Variants in FHOD3 observed in about 807,000 individuals in gnomAD.
The protein encoded by FHOD3 is FH1/FH2 domain-containing protein 3.
A neutral mutation model predicts 173.0 loss-of-function variants in FHOD3; 90 were observed. The ratio of observed to expected loss-of-function variants is 0.52; its 90% CI spans 0.44 to 0.62. The LOEUF is 0.62. Ranked by LOEUF, FHOD3 falls within the 20% of genes least tolerant of loss-of-function variation. FHOD3 has a pLI of 0.00. For synonymous variants in FHOD3, 828 were observed against 823.0 expected (o/e 1.01, Z -0.10); for missense variants, 1,945 against 2,034.7 (o/e 0.96, Z 0.85).
intron 4 of FHOD3, among the ~76,000 whole-genome samples, chr18:36,511,776 G>A (rs967933686): frequency 2.6e-5 from 4 of 152,214 alleles, no homozygotes; most frequent in African/African-American, 9.6e-5. Context: ...CACCGGATGA[G>A]ATGACCCCTG....
intron 18 of FHOD3, among the ~76,000 whole-genome samples, chr18:36,711,898 A>C (rs560385627): frequency 2.0e-5 from 3 of 152,316 alleles, no homozygotes; most frequent in Admixed American, 6.5e-5. Flanking sequence ...ACCCAGAGTC[A>C]ATGGAGACTG....
intron 3 of FHOD3, among the ~76,000 whole-genome samples, chr18:36,422,581 T>C (rs2147102740): frequency 6.6e-6 from 1 of 152,336 alleles, no homozygotes; most frequent in South Asian, 2.1e-4. Context: ...ATAGGGCTTG[T>C]TCTAATTCCC....
chr18:36,612,074 G>A lies in FHOD3; in HGVS notation c.936G>A (p.Val312=), dbSNP rs776282960. 1.2e-6 allele frequency: 2 copies of A among 1,613,918 alleles called. No homozygotes were observed. Among genetic ancestry groups the A allele is most frequent in the Non-Finnish European group, 1.7e-6 (2 of 1,179,938 alleles). The part of the protein sequence containing the change: ...LNKKGTDLDL[V]EQLNIYEVAL... ...AGAAAGGGACTGACCTGGACTTAGT[G>A]GAGCAACTCAACATTTATGAGGTAC... Residue 312 remains valine (V), a synonymous_variant, in exon 9 of 29, where the codon GTG becomes GTA. Transcript: ENST00000590592.
At chr18:36,489,289 A>AG (rs2054344299) in intron 3 of FHOD3, among the ~76,000 whole-genome samples, 2 of 152,094 alleles carry the variant, frequency 1.3e-5, no homozygotes, top group African/African-American at 4.8e-5. Context: ...CCCTGCCAGT[A>AG]GGGGGGTGAG....
intron 3 of FHOD3, among the ~76,000 whole-genome samples, chr18:36,428,714 C>G (rs547436452): frequency 1.1e-4 from 17 of 152,310 alleles, no homozygotes; most frequent in African/African-American, 3.8e-4. Context: ...ATTTATTGCT[C>G]TTTGAACATG....
At chr18:36,732,408 A>G (rs767212067) in intron 20 of FHOD3, among the ~76,000 whole-genome samples, 5 of 152,200 alleles carry the variant, frequency 3.3e-5, no homozygotes, top group Non-Finnish European at 5.9e-5. Flanking sequence ...CTGTTCCAGG[A>G]ACAGGTACAA....
At chr18:36,334,874 G>A (rs1289885128) in intron 1 of FHOD3, among the ~76,000 whole-genome samples, 3 of 152,180 alleles carry the variant, frequency 2.0e-5, no homozygotes, top group African/African-American at 4.8e-5. Context: ...CTGGCCCAAA[G>A]ATAGGGGACT....
intron 14 of FHOD3, among the ~76,000 whole-genome samples, chr18:36,660,669 G>A (rs1443094543): frequency 6.6e-6 from 1 of 152,196 alleles, no homozygotes; most frequent in African/African-American, 2.4e-5. Context: ...AAGCAAATTG[G>A]GTGGAGACTT....
intron 5 of FHOD3, among the ~76,000 whole-genome samples, chr18:36,554,628 T>TATA (rs950320083): frequency 5.3e-5 from 8 of 152,146 alleles, no homozygotes; most frequent in Admixed American, 6.5e-5. Flanking sequence ...GAACTTGAAG[T>TATA]ATAATAATAA....
intron 1 of FHOD3, among the ~76,000 whole-genome samples, chr18:36,353,128 T>G (rs1738252628): frequency 6.6e-6 from 1 of 152,208 alleles, no homozygotes; most frequent in Non-Finnish European, 1.5e-5. Context: ...TTGGCCAGTT[T>G]GTAGTAAATG....
intron 3 of FHOD3, among the ~76,000 whole-genome samples, chr18:36,403,672 G>A (rs1031372187): frequency 6.6e-6 from 1 of 152,184 alleles, no homozygotes; most frequent in Non-Finnish European, 1.5e-5. Context: ...AATAATTACG[G>A]ATTCCATTAG....
chr18:36,637,075 A>G (rs2034945799), intron 10 of FHOD3, among the ~76,000 whole-genome samples: 1 of 152,166 alleles, frequency 6.6e-6, no homozygotes, highest in East Asian at 1.9e-4. Context: ...GCTCATGTCT[A>G]TAAGTAAATG....
intron 1 of FHOD3, among the ~76,000 whole-genome samples, chr18:36,302,579 T>G (rs895996680): frequency 6.6e-6 from 1 of 152,236 alleles, no homozygotes; most frequent in Admixed American, 6.5e-5. Flanking sequence ...GCTGTTCAGT[T>G]CTCTGGTGTT....
chr18:36,622,181 A>AG (rs2033765548), intron 9 of FHOD3, among the ~76,000 whole-genome samples: 2 of 152,250 alleles, frequency 1.3e-5, no homozygotes, highest in South Asian at 2.1e-4. Context: ...GGCTAAGGAG[A>AG]GGGGGTGAAG....
intron 3 of FHOD3, among the ~76,000 whole-genome samples, chr18:36,431,914 C>T (rs1334808648): frequency 1.3e-5 from 2 of 152,136 alleles, no homozygotes; most frequent in African/African-American, 4.8e-5. Context: ...GCAAAGGAAG[C>T]ACATCACATG....
intron 28 of FHOD3, among the ~76,000 whole-genome samples, chr18:36,776,032 C>T (rs534251677): frequency 6.6e-6 from 1 of 152,268 alleles, no homozygotes; most frequent in African/African-American, 2.4e-5. Flanking sequence ...GCCCAGGTGT[C>T]ATCCGCAGCC....
At chr18:36,388,431 C>T (rs1354619066) in intron 3 of FHOD3, among the ~76,000 whole-genome samples, 1 of 152,202 alleles carries the variant, frequency 6.6e-6, no homozygotes, top group Admixed American at 6.5e-5. Context: ...CTGTCTGGGC[C>T]ATAGCTAGCG....
chr18:36,465,995 A>G (rs964374299), intron 3 of FHOD3, among the ~76,000 whole-genome samples: 1 of 152,148 alleles, frequency 6.6e-6, no homozygotes, highest in African/African-American at 2.4e-5. Context: ...CTTGACCACA[A>G]TCCGGCTTTC....
intron 9 of FHOD3, among the ~76,000 whole-genome samples, chr18:36,614,659 A>T (rs1309050831): frequency 1.3e-5 from 2 of 152,078 alleles, no homozygotes. Context: ...GTCAACGCTT[A>T]TTATTGTCCA....
Sources: gnomAD v4.1 joint callset for allele counts (sites outside exome capture counted in the v4.1 genomes callset) on GRCh38, gnomAD v4.1.1 for gene constraint, MANE v1.5 for transcripts, NCBI Gene and HGNC (gene_info 2026-07-23, HGNC 2026-07-21) for gene names.